STK32C: variants seen among roughly 807,000 people sequenced by gnomAD.
The protein encoded by STK32C is serine/threonine kinase 32C, also known as serine/threonine-protein kinase 32C.
STK32C carries 31 observed loss-of-function variants against 56.5 expected under a neutral mutation model. The observed-to-expected ratio is 0.55, with a 90% CI of 0.41 to 0.74. The LOEUF is 0.74. STK32C is among the 30% of genes least tolerant of loss of function. STK32C has a pLI of 0.00. For synonymous variants in STK32C, 309 were observed against 289.4 expected, an observed-to-expected ratio of 1.07 and a Z score of -0.69; for missense variants, 544 against 676.9, an observed-to-expected ratio of 0.80 and a Z score of 2.18.
exon 1 of STK32C, chr10:132,331,495 A>G (rs1186921177): frequency 6.2e-7 from 1 of 1,612,660 alleles, no homozygotes; most frequent in Non-Finnish European, 8.5e-7. Context: ...TCCAAAGAGG[A>G]CGCTCTGAGT....
chr10:132,314,094 C>T (rs751100191), intron 1 of STK32C, among the ~76,000 whole-genome samples: 2 of 152,220 alleles, frequency 1.3e-5, no homozygotes, highest in Admixed American at 6.5e-5. Flanking sequence ...CGGCCAGCAC[C>T]GCGATGCACC....
intron 1 of STK32C, among the ~76,000 whole-genome samples, chr10:132,280,434 C>G (rs994415315): frequency 6.8e-6 from 1 of 147,398 alleles, no homozygotes; most frequent in African/African-American, 2.5e-5. Flanking sequence ...CCACTGCACT[C>G]CGTGATCACG....
At chr10:132,234,588 G>C (rs1415177998) in intron 2 of STK32C, among the ~76,000 whole-genome samples, 1 of 152,230 alleles carries the variant, frequency 6.6e-6, no homozygotes, top group Non-Finnish European at 1.5e-5. Flanking sequence ...CCTGTGCTCT[G>C]TATGGCCCCT....
intron 1 of STK32C, among the ~76,000 whole-genome samples, chr10:132,313,849 G>T (rs563349462): frequency 9.8e-5 from 15 of 152,346 alleles, no homozygotes; most frequent in Admixed American, 5.9e-4. Flanking sequence ...TCCGTGGAAG[G>T]TGCTAGCTCT....
chr10:132,266,978 A>C (rs1448928729), intron 1 of STK32C, among the ~76,000 whole-genome samples: 7 of 152,130 alleles, frequency 4.6e-5, no homozygotes, highest in Admixed American at 4.6e-4. Context: ...CAACCCCAAC[A>C]ACCACCGTGA....
chr10:132,259,921 A>T (rs1200747439), intron 1 of STK32C, among the ~76,000 whole-genome samples: 1 of 152,196 alleles, frequency 6.6e-6, no homozygotes, highest in Non-Finnish European at 1.5e-5. Context: ...GAATAAGCCC[A>T]TCGGGCTTCG....
At chr10:132,225,204 C>T in intron 7 of STK32C, 29 bp downstream of exon 7, 1 of 1,559,006 alleles carries the variant, frequency 6.4e-7, no homozygotes, top group African/African-American at 1.4e-5. Context: ...GCCTGGCAGC[C>T]AAGCCCAGGG....
In STK32C at chr10:132,248,466, T is replaced by G. The variant is rs1020371357; in HGVS notation, c.263-2511A>C. Among the ~76,000 whole-genome samples, 14 of 152,240 alleles carry G rather than the reference T, an allele frequency of 9.2e-5. 1 individual carries two copies. Among genetic ancestry groups the G allele is most frequent in the East Asian group, 1.9e-4 (1 of 5,190 alleles). On this transcript the variant is annotated intron_variant, in intron 1 of 11. Coordinates refer to ENST00000298630, the MANE Select transcript of STK32C (RefSeq NM_173575.4). The stretch of plus-strand genomic sequence containing the variant: ...GGAGATGAACTCCGCTGGGCGGCTC[T>G]GGGTCCAAGGACCCTCTGTCCACCT...
chr10:132,296,262 C>T (rs1267137867), intron 1 of STK32C, among the ~76,000 whole-genome samples: 2 of 151,630 alleles, frequency 1.3e-5, no homozygotes, highest in Admixed American at 1.3e-4. Flanking sequence ...GGTCACAGCA[C>T]GGAGTAGACT....
chr10:132,222,739 G>A lies in STK32C; in HGVS notation c.1153C>T (p.Leu385=). 1 of 1,608,970 alleles carries A rather than the reference G, an allele frequency of 6.2e-7. No homozygotes were observed. Among genetic ancestry groups the A allele is most frequent in the Non-Finnish European group, 8.5e-7 (1 of 1,177,926 alleles). ...CTGGACTCCAGGATCATCTCCTCCA[G>A]CTCAAAGGTGGGGTCGCAGTGCAGA... is the stretch of plus-strand genomic sequence containing the variant. The part of the protein sequence containing the change: ...GRLHCDPTFE[L]EEMILESRPL... The change falls in exon 10 of 12, where the codon CTG becomes TTG. Residue 385 remains leucine (L), a synonymous_variant. Transcript: ENST00000298630.
At chr10:132,215,340 C>A (rs982693277) in intron 10 of STK32C, among the ~76,000 whole-genome samples, 12 of 152,128 alleles carry the variant, frequency 7.9e-5, no homozygotes, top group Non-Finnish European at 1.6e-4. Flanking sequence ...TAAGGTTTGG[C>A]TGTCTCCCCA....
chr10:132,323,901 G>C (rs1234183387), downstream of STK32C: 6 of 218,616 alleles, frequency 2.7e-5, no homozygotes, highest in East Asian at 6.0e-4. This position sits in a 1 kb window ranked among gnomAD's most constrained non-coding sequence, Gnocchi z 4.8. Context: ...AGGGGGAGTG[G>C]GACAAAACAT....
At chr10:132,298,275 G>A (rs2065813136) in intron 1 of STK32C, among the ~76,000 whole-genome samples, 1 of 152,266 alleles carries the variant, frequency 6.6e-6, no homozygotes, top group East Asian at 1.9e-4. Context: ...AGCAGTCAAA[G>A]TGACACGGTG....
At chr10:132,251,303 G>A (rs1456475063) in intron 1 of STK32C, among the ~76,000 whole-genome samples, 1 of 152,208 alleles carries the variant, frequency 6.6e-6, no homozygotes, top group African/African-American at 2.4e-5. Flanking sequence ...TGGGAGGAGA[G>A]GGAGCAGAGG....
intron 1 of STK32C, among the ~76,000 whole-genome samples, chr10:132,305,651 C>A (rs914201958): frequency 6.6e-6 from 1 of 152,240 alleles, no homozygotes; most frequent in South Asian, 2.1e-4. Flanking sequence ...TCCTTCCAAA[C>A]TGAATCCCTT....
At chr10:132,249,208 G>T in intron 1 of STK32C, 1 of 366,420 alleles carries the variant, frequency 2.7e-6, no homozygotes. Context: ...GGGGCCGTGG[G>T]GTTGCGGGAG....
intron 1 of STK32C, among the ~76,000 whole-genome samples, chr10:132,293,723 T>C (rs192173698): frequency 3.8e-4 from 58 of 152,064 alleles, no homozygotes; most frequent in Admixed American, 3.7e-3. Flanking sequence ...GTGGTGAGCC[T>C]CGGCCTGAAG....
Position 132,230,941 on chromosome 10 carries a change from G to A in STK32C, c.319-2813C>T, listed in dbSNP as rs182696532. On this transcript the variant is annotated intron_variant, in intron 2 of 11. Transcript: ENST00000298630. ...CAACCCCCACAGCCCACTCACCAGGGGACAGGGCACCTGGGCTTCCCGTGC... is the reference window on the plus strand; with the variant it reads ...CAACCCCCACAGCCCACTCACCAGGAGACAGGGCACCTGGGCTTCCCGTGC... Among the ~76,000 whole-genome samples the A allele has an allele frequency of 3.2e-3, 490 of 152,236 alleles. 2 individuals are homozygous for A. The highest frequency in any genetic ancestry group is 0.011 in the African/African-American group (449 of 41,534).
At chr10:132,287,478 C>T (rs190295538) in intron 1 of STK32C, among the ~76,000 whole-genome samples, 3 of 149,116 alleles carry the variant, frequency 2.0e-5, no homozygotes, top group Non-Finnish European at 4.5e-5. Flanking sequence ...GGCGACAGAG[C>T]GAGACTCAGT....
Sources: allele counts gnomAD v4.1 joint callset (sites outside exome capture counted in the v4.1 genomes callset), GRCh38; gene constraint gnomAD v4.1.1; non-coding constraint Gnocchi (gnomAD v3.1); transcripts MANE v1.5; gene names NCBI Gene and HGNC (gene_info 2026-07-23, HGNC 2026-07-21).